Variants in ATP13A1 observed in about 807,000 individuals in gnomAD.
ATP13A1 encodes the protein ATPase 13A1.
A neutral mutation model predicts 134.8 loss-of-function variants in ATP13A1; 55 were observed. The ratio of observed to expected loss-of-function variants is 0.41; its 90% CI spans 0.33 to 0.51. The LOEUF (loss-of-function observed/expected upper bound fraction) is 0.51. Ranked by LOEUF, ATP13A1 falls within the 20% of genes least tolerant of loss-of-function variation. The probability of loss-of-function intolerance (pLI) is 0.29; values close to 1 mark genes in which losing one functional copy is unlikely to be tolerated. For missense variants in ATP13A1, 1,389 were observed against 1,652.8 expected (o/e 0.84, Z 2.77); for synonymous variants, 775 against 725.1 (o/e 1.07, Z -1.10).
chr19:19,659,539 C>A, intron 3 of ATP13A1, 62 bp downstream of exon 3: 1 of 1,415,424 alleles, frequency 7.1e-7, no homozygotes. Context: ...TCCTAGGCAC[C>A]CTGAATCAGG....
chr19:19,646,680 CG>C, intron 22 of ATP13A1: 2 of 418,722 alleles, frequency 4.8e-6, no homozygotes, highest in Non-Finnish European at 4.4e-6. Context: ...CTCCAGCCAC[CG>C]GGGACTCCCT....
In ATP13A1 at chr19:19,655,863, G is replaced by GACCTGGCCCCGC; in HGVS notation, c.1269+3_1269+14dup. 1 of 1,574,010 alleles carries GACCTGGCCCCGC rather than the reference G, an allele frequency of 6.4e-7. No individual in the cohort carries two copies. Among genetic ancestry groups the GACCTGGCCCCGC allele is most frequent in the Non-Finnish European group, 8.6e-7 (1 of 1,165,552 alleles). On this transcript the variant is annotated intron_variant, in intron 9 of 25. Transcript: ENST00000357324. This position sits in a 1 kb window ranked among gnomAD's most constrained non-coding sequence, Gnocchi z 5.7. ...ACTGCCCTGGGGCCCGCCCTCCCCA[G>GACCTGGCCCCGC]ACCTGGCCCCGCACCTGGGATGTGT...
chr19:19,656,020 C>T lies in ATP13A1; in HGVS notation c.1213+34G>A, dbSNP rs780948151. On this transcript the variant is annotated intron_variant, in intron 8 of 25. Coordinates refer to ENST00000357324, the MANE Select transcript of ATP13A1 (RefSeq NM_020410.3). This position sits in a 1 kb window ranked among gnomAD's most constrained non-coding sequence, Gnocchi z 4.6. ...AGCAGACGGGCAAAGGGGGTGGAAGCCCAGATACCCCCAGACGCCCATGAG... is the reference window on the plus strand; with the variant it reads ...AGCAGACGGGCAAAGGGGGTGGAAGTCCAGATACCCCCAGACGCCCATGAG... 1.2e-6 allele frequency: 2 copies of T among 1,613,074 alleles called. No individual in the cohort carries two copies. The highest frequency in any genetic ancestry group is 1.7e-6 in the Non-Finnish European group (2 of 1,179,644).
chr19:19,652,995 TCAGCTTCCAAGTCAATGAAGTA>T, intron 15 of ATP13A1: 1 of 444,368 alleles, frequency 2.3e-6, no homozygotes, highest in Non-Finnish European at 4.1e-6. Flanking sequence ...CCCTTGTGGC[TCAGCTTCCAAGTCAATGAAGTA>T]GGGACTCTCC....
Position 19,654,128 on chromosome 19 carries a change from G to A in ATP13A1, c.1830C>T (p.Pro610=), listed in dbSNP as rs780224773. ...TCAGCCCCTGAGTTTTAATACTTCG[G>A]GGGAATACTTTCTCATCTGGAAACA... is the stretch of plus-strand genomic sequence containing the variant. ...WTLTKDEKVF[P]RSIKTQGLKI... The change falls in exon 14 of 26, where the codon CCC becomes CCT. Residue 610 remains proline (P), a synonymous_variant. Transcript: ENST00000357324. The A allele has an allele frequency of 6.3e-7, 1 of 1,588,554 alleles. No homozygotes were observed. Among genetic ancestry groups the A allele is most frequent in the South Asian group, 1.1e-5 (1 of 87,382 alleles).
intron 3 of ATP13A1, 68 bp downstream of exon 3, chr19:19,659,533 A>T: frequency 7.5e-7 from 1 of 1,324,586 alleles, no homozygotes; most frequent in Non-Finnish European, 1.0e-6. Flanking sequence ...CCCGCTTCCT[A>T]GGCACCCTGA....
intron 1 of ATP13A1, among the ~76,000 whole-genome samples, chr19:19,660,907 C>A (rs1037014122): frequency 6.6e-6 from 1 of 150,736 alleles, no homozygotes; most frequent in Non-Finnish European, 1.5e-5. Flanking sequence ...GGTGAAACCC[C>A]GTCTCTACTA....
chr19:19,663,190 G>A, intron 1 of ATP13A1, 81 bp downstream of exon 1: 2 of 1,542,798 alleles, frequency 1.3e-6, no homozygotes, highest in Admixed American at 3.9e-5. Flanking sequence ...GGTCGCGATG[G>A]TGACCGACAG....
At chr19:19,654,999 C>G in intron 12 of ATP13A1, 120 bp downstream of exon 12, 1 of 1,449,362 alleles carries the variant, frequency 6.9e-7, no homozygotes, top group Admixed American at 2.3e-5. Flanking sequence ...GGAAATGAAC[C>G]CGAGGCAGGG....
Position 19,652,525 on chromosome 19 carries a change from C to A in ATP13A1, c.2226+70G>T. On this transcript the variant is annotated intron_variant, in intron 16 of 25. Transcript: ENST00000357324. ...GAGACTTGGGTGCCCACCCCTACCA[C>A]GAAGCTGTAATTGTCATCTCCTCGC... 9 of 1,528,430 alleles carry A rather than the reference C, an allele frequency of 5.9e-6. No homozygotes were observed. The South Asian group carries it at 1.1e-4, about 19-fold the overall frequency. The allele number at this position is 1,528,430 out of a possible 1,614,324, so 94.7% of individuals were successfully genotyped here. A position where few individuals can be genotyped will look rare whatever the true frequency, so the allele number is the denominator to read the frequency against.
intron 16 of ATP13A1, among the ~76,000 whole-genome samples, chr19:19,652,232 A>T (rs2062028928): frequency 2.0e-5 from 3 of 152,144 alleles, no homozygotes; most frequent in Admixed American, 2.0e-4. Flanking sequence ...TAAGTCCCAA[A>T]ATAGAAAACA....
rs2062057959 is a variant in ATP13A1, at chr19:19,656,332, C to T, written c.1084-149G>A. 8.6e-7 allele frequency: 1 copy of T among 1,160,274 alleles called. No individual in the cohort carries two copies. Among genetic ancestry groups the T allele is most frequent in the Admixed American group, 2.6e-5 (1 of 38,970 alleles). 71.9% of individuals were successfully genotyped at this position (1,160,274 alleles called of 1,614,324 possible). A position where few individuals can be genotyped will look rare whatever the true frequency, so the allele number is the denominator to read the frequency against. ...TCCCACCCAGCTCCCAGATCCTCAC[C>T]CTCACCCCGTCCTGTCTTCTCCCCA... is the stretch of plus-strand genomic sequence containing the variant. On this transcript the variant is annotated intron_variant, in intron 7 of 25. Transcript: ENST00000357324. The surrounding 1 kb of genome is among the most constrained non-coding windows in gnomAD (Gnocchi z 4.6).
intron 19 of ATP13A1, 36 bp downstream of exon 19, chr19:19,649,531 G>A (rs1054359542): frequency 1.0e-5 from 16 of 1,596,260 alleles, no homozygotes; most frequent in East Asian, 4.5e-5. Context: ...TCAACACCTC[G>A]TCCACAAACG....
At chr19:19,648,103 G>A (rs911178683) in intron 19 of ATP13A1, among the ~76,000 whole-genome samples, 3 of 152,156 alleles carry the variant, frequency 2.0e-5, no homozygotes, top group African/African-American at 7.2e-5. Flanking sequence ...CGGATCACCT[G>A]AGGTCAGGAG....
intron 1 of ATP13A1, chr19:19,662,295 G>C: frequency 3.0e-6 from 3 of 985,392 alleles, no homozygotes; most frequent in Non-Finnish European, 3.6e-6. Context: ...AAGTCTTTTT[G>C]AAGGACAGAA....
At chr19:19,659,549 G>A in intron 3 of ATP13A1, 52 bp downstream of exon 3, 1 of 1,499,984 alleles carries the variant, frequency 6.7e-7, no homozygotes, top group Non-Finnish European at 9.1e-7. Context: ...CCTGAATCAG[G>A]AGGGGAGCAG....
Position 19,656,133 on chromosome 19 carries a change from A to C in ATP13A1, c.1134T>G (p.Asp378Glu), listed in dbSNP as rs2062056335. 6.2e-7 allele frequency: 1 copy of C among 1,613,712 alleles called. No homozygotes were observed. The highest frequency in any genetic ancestry group is 1.7e-5 in the Admixed American group (1 of 59,998). The change falls in exon 8 of 26, where the codon GAT becomes GAG. Residue 378 changes from aspartate to glutamate, a missense_variant. By Grantham distance (45) the Asp-to-Glu change is conservative. Transcript: ENST00000357324. The surrounding 1 kb of genome is among the most constrained non-coding windows in gnomAD (Gnocchi z 4.6). ...CCCCGAAGATGACGTGCAGCCGGGA[A>C]TCAGCCTGGAGGTCCAGCACCCGGT... ...SPDRVLDLQA[D>E]SRLHVIFGGT... is the part of the protein sequence containing the mutation.
At chr19:19,648,455 G>GT (rs1255542134) in intron 19 of ATP13A1, among the ~76,000 whole-genome samples, 5 of 147,328 alleles carry the variant, frequency 3.4e-5, no homozygotes, top group Admixed American at 1.4e-4. Context: ...AAAAACCAAC[G>GT]TAAGATTGAT....
intron 12 of ATP13A1, 78 bp from the exon 13 acceptor site, chr19:19,654,778 C>G: frequency 1.3e-6 from 2 of 1,495,380 alleles, no homozygotes; most frequent in African/African-American, 1.4e-5. Context: ...AGAAGGACCC[C>G]CAAGGCCATT....
Sources: gnomAD v4.1 joint callset for allele counts (sites outside exome capture counted in the v4.1 genomes callset) on GRCh38, gnomAD v4.1.1 for gene constraint, Gnocchi (gnomAD v3.1) non-coding constraint, MANE v1.5 for transcripts, NCBI Gene and HGNC (gene_info 2026-07-23, HGNC 2026-07-21) for gene names.